The following MOGAT2 variants were observed in gnomAD, a reference collection of about 807,000 sequenced individuals.
MOGAT2 encodes 2-acylglycerol O-acyltransferase 2.
Under a neutral mutation model 31.5 loss-of-function variants are expected in MOGAT2, and 27 were observed. The observed-to-expected ratio is 0.86, with a 90% CI of 0.63 to 1.18. The LOEUF is 1.18. Ranked by LOEUF, MOGAT2 falls within the 50% of genes most tolerant of loss-of-function variation. MOGAT2 has a pLI of 0.00. For synonymous variants in MOGAT2, 163 were observed against 170.0 expected (o/e 0.96, Z 0.32); for missense variants, 436 against 433.2 (o/e 1.01, Z -0.06).
chr11:75,719,942 T>G, intron 1 of MOGAT2, 50 bp from the exon 2 acceptor site: 3 of 1,581,966 alleles, frequency 1.9e-6, no homozygotes, highest in Non-Finnish European at 2.6e-6. Context: ...CAATCTCACC[T>G]GCCTTCCTCT....
intron 4 of MOGAT2, 199 bp from the exon 5 acceptor site, chr11:75,728,591 C>T (rs1435306679): frequency 1.7e-6 from 1 of 603,072 alleles, no homozygotes; most frequent in Non-Finnish European, 2.9e-6. Flanking sequence ...GAAGTTGTGG[C>T]CCTGCAAGGG....
intron 5 of MOGAT2, among the ~76,000 whole-genome samples, chr11:75,730,269 C>T (rs1381389899): frequency 6.6e-6 from 1 of 152,202 alleles, no homozygotes; most frequent in Non-Finnish European, 1.5e-5. Flanking sequence ...GAGTTAGGTC[C>T]TTCCTGGTTC....
chr11:75,726,899 A>T (rs1944426301), intron 2 of MOGAT2, among the ~76,000 whole-genome samples: 2 of 151,992 alleles, frequency 1.3e-5, no homozygotes, highest in South Asian at 4.1e-4. Context: ...GAGTTTCACC[A>T]TGTTGGTCTC....
chr11:75,728,356 A>G, intron 4 of MOGAT2: 1 of 691,308 alleles, frequency 1.4e-6, no homozygotes. Flanking sequence ...CTAGGTGGCA[A>G]TGAACATATT....
chr11:75,729,686 T>A (rs1944456663), intron 5 of MOGAT2, among the ~76,000 whole-genome samples: 2 of 151,966 alleles, frequency 1.3e-5, no homozygotes, highest in Non-Finnish European at 2.9e-5. Context: ...AAAGTTGAGG[T>A]TTTTACTAAG....
chr11:75,730,920 AAAAAAAAAAG>A (rs1306756102), intron 5 of MOGAT2: 3 of 305,332 alleles, frequency 9.8e-6, no homozygotes, highest in East Asian at 6.4e-5. Context: ...ACCTCAAAAA[AAAAAAAAAAG>A]AAAAGAAAAG....
intron 2 of MOGAT2, among the ~76,000 whole-genome samples, chr11:75,722,849 G>T (rs1944387265): frequency 6.6e-6 from 1 of 152,252 alleles, no homozygotes; most frequent in Non-Finnish European, 1.5e-5. Flanking sequence ...TCCTTCCCCA[G>T]CCAGGTGGCT....
At chr11:75,729,143 A>G (rs1944450998) in intron 5 of MOGAT2, among the ~76,000 whole-genome samples, 154 bp downstream of exon 5, 1 of 152,206 alleles carries the variant, frequency 6.6e-6, no homozygotes, top group Non-Finnish European at 1.5e-5. Context: ...GATAGAATAG[A>G]AGACAGTCTG....
chr11:75,729,070 C>A, intron 5 of MOGAT2, 81 bp downstream of exon 5: 1 of 1,355,758 alleles, frequency 7.4e-7, no homozygotes, highest in Non-Finnish European at 1.0e-6. Context: ...TGGAGATGAG[C>A]CAGATTTATT....
rs141418140 is a variant in MOGAT2 at position 75,726,858 on chromosome 11, C to T, written c.271-577C>T. 8.4e-3 allele frequency among the ~76,000 whole-genome samples: 1,276 copies of T among 152,084 alleles called. 17 individuals are homozygous for T. Among genetic ancestry groups the T allele is most frequent in the African/African-American group, 0.029 (1,211 of 41,478 alleles). ...GGATTACAGGTGCCCGCCACCACGCCCAGCTAATTTTTGTATTTTTAGTAG... is the reference window on the plus strand; with the variant it reads ...GGATTACAGGTGCCCGCCACCACGCTCAGCTAATTTTTGTATTTTTAGTAG... On this transcript the variant is annotated intron_variant, in intron 2 of 5. Transcript: ENST00000198801.
At chr11:75,730,928 A>C in intron 5 of MOGAT2, 1 of 223,056 alleles carries the variant, frequency 4.5e-6, no homozygotes, top group Non-Finnish European at 8.4e-6. Context: ...AAAAAAAAAA[A>C]AGAAAAGAAA....
intron 2 of MOGAT2, among the ~76,000 whole-genome samples, chr11:75,721,044 A>G (rs1202328259): frequency 6.6e-6 from 1 of 152,108 alleles, no homozygotes; most frequent in South Asian, 2.1e-4. Flanking sequence ...GAGAAGGGAC[A>G]GGCAGGGGCA....
chr11:75,728,683 C>G, intron 4 of MOGAT2, 107 bp from the exon 5 acceptor site: 1 of 969,332 alleles, frequency 1.0e-6, no homozygotes, highest in South Asian at 1.4e-5. Flanking sequence ...TGGCTGACCT[C>G]TGCTCCATTT....
At chr11:75,721,058 G>A (rs1225812767) in intron 2 of MOGAT2, among the ~76,000 whole-genome samples, 1 of 152,100 alleles carries the variant, frequency 6.6e-6, no homozygotes, top group African/African-American at 2.4e-5. Context: ...AGGGGCAGTT[G>A]GCCCTCCTCT....
Position 75,719,871 on chromosome 11 carries a change from C to A in MOGAT2, c.92-121C>A. On this transcript the variant is annotated intron_variant, in intron 1 of 5. Coordinates refer to ENST00000198801, the MANE Select transcript of MOGAT2 (RefSeq NM_025098.4). Reference sequence around the variant, plus strand: ...CGGAAGCTGCTGTCTTCCTCCTGGGCCCGAGGATTGGACAGGACAGTGCTG... The same window carrying A: ...CGGAAGCTGCTGTCTTCCTCCTGGGACCGAGGATTGGACAGGACAGTGCTG... The A allele has an allele frequency of 4.1e-6, 4 of 964,826 alleles. No homozygotes were observed. The South Asian group carries it at 6.5e-5, about 16-fold the overall frequency. The allele number at this position is 964,826 out of a possible 1,614,324, so 59.8% of individuals were successfully genotyped here.
chr11:75,729,413 T>C (rs779567733), intron 5 of MOGAT2, among the ~76,000 whole-genome samples: 4 of 152,266 alleles, frequency 2.6e-5, no homozygotes, highest in East Asian at 3.9e-4. Flanking sequence ...TAGCTGGGAC[T>C]ACAGTCGCTC....
At chr11:75,730,053 A>G (rs1180274032) in intron 5 of MOGAT2, among the ~76,000 whole-genome samples, 2 of 152,128 alleles carry the variant, frequency 1.3e-5, no homozygotes, top group African/African-American at 4.8e-5. Flanking sequence ...CCTCCGACAG[A>G]CTTTATAGAG....
intron 3 of MOGAT2, 138 bp from the exon 4 acceptor site, chr11:75,727,832 C>T (rs142890673): frequency 0.016 from 16,313 of 1,052,288 alleles, 178 homozygotes; most frequent in Middle Eastern, 0.028. Context: ...TCAGGGAGCT[C>T]CTAGCTGGAA....
At chr11:75,718,970 C>CTA (rs1425220817) in intron 1 of MOGAT2, among the ~76,000 whole-genome samples, 1 of 150,002 alleles carries the variant, frequency 6.7e-6, no homozygotes, top group Non-Finnish European at 1.5e-5. Context: ...CTCTCTTTCT[C>CTA]TCTCTCTCTC....
Sources: allele counts gnomAD v4.1 joint callset (sites outside exome capture counted in the v4.1 genomes callset), GRCh38; gene constraint gnomAD v4.1.1; transcripts MANE v1.5; gene names NCBI Gene and HGNC (gene_info 2026-07-23, HGNC 2026-07-21).